The following REXO1 variants were observed in gnomAD, a reference collection of about 807,000 sequenced individuals.
The protein encoded by REXO1 is RNA exonuclease 1 homolog.
A neutral mutation model predicts 102.6 loss-of-function variants in REXO1; 42 were observed. The ratio of observed to expected loss-of-function variants is 0.41; its 90% CI spans 0.32 to 0.53. REXO1 has a LOEUF of 0.53. Among genes scored for constraint, REXO1 ranks in the 20% least tolerant of loss-of-function variants. REXO1 has a pLI of 0.27. For missense variants in REXO1, 1,819 were observed against 1,732.5 expected, an observed-to-expected ratio of 1.05 and a Z score of -0.89; for synonymous variants, 908 against 779.1, an observed-to-expected ratio of 1.17 and a Z score of -2.76.
At position 1,848,249 on chromosome 19, in the gene REXO1, C is replaced by T. The variant is rs539515135; in HGVS notation, c.110G>A (p.Arg37Gln). 2.9e-5 allele frequency: 36 copies of T among 1,228,648 alleles called. No homozygotes were observed. Among genetic ancestry groups the T allele is most frequent in the Non-Finnish European group, 3.6e-5 (35 of 981,330 alleles). The allele number at this position is 1,228,648 out of a possible 1,614,324, so 76.1% of individuals were successfully genotyped here. ...PYCHFRHRGARGSGAPGDGGE... is the reference protein window; with the variant it reads ...PYCHFRHRGAQGSGAPGDGGE... ...GCCGTCACCGGGCGCGCCGGAGCCCCGGGCCCCGCGGTGCCGGAAGTGGCA... is the reference window on the plus strand; with the variant it reads ...GCCGTCACCGGGCGCGCCGGAGCCCTGGGCCCCGCGGTGCCGGAAGTGGCA... Residue 37 changes from arginine to glutamine, a missense_variant, in exon 1 of 16, where the codon CGG (arginine) becomes CAG (glutamine). Physicochemically the swap from Arg to Gln is conservative, Grantham distance 43. Transcript: ENST00000170168.
chr19:1,824,171 A>T (rs1043788813), intron 3 of REXO1: 3 of 186,222 alleles, frequency 1.6e-5, no homozygotes, highest in African/African-American at 7.0e-5. Flanking sequence ...CTGACCCCGG[A>T]GCCAGGCTCT....
Position 1,821,512 on chromosome 19 carries a change from G to A in REXO1, c.2394+7C>T, listed in dbSNP as rs370710210. ...GTGGTGGTCCTGGCCGAGATGGGAG[G>A]GGCTACCTGTAAGGATGGACTGTGG... is the stretch of plus-strand genomic sequence containing the variant. On this transcript the variant is annotated splice_region_variant and intron_variant, in intron 5 of 15. Transcript: ENST00000170168. 3.4e-5 allele frequency: 55 copies of A among 1,613,464 alleles called. No homozygotes were observed. In the African/African-American group the frequency reaches 7.1e-4, roughly 21 times the overall value.
chr19:1,819,962 C>G lies in REXO1; in HGVS notation c.2622G>C (p.Leu874=). 6.3e-7 allele frequency: 1 copy of G among 1,589,776 alleles called. No homozygotes were observed. The highest frequency in any genetic ancestry group is 8.5e-7 in the Non-Finnish European group (1 of 1,171,410). Residue 874 remains leucine (L), a synonymous_variant, in exon 7 of 16, where the codon CTG becomes CTC. Transcript: ENST00000170168. ...TGAGGCCGGGCACAGCGCTGGGGGCCAGGCCCCTGAGCTTCTTGAGGGTGT... is the reference window on the plus strand; with the variant it reads ...TGAGGCCGGGCACAGCGCTGGGGGCGAGGCCCCTGAGCTTCTTGAGGGTGT... ...AVNTLKKLRG[L]APSAVPGLSK...
chr19:1,831,706 G>A (rs960803965), intron 1 of REXO1, among the ~76,000 whole-genome samples: 3 of 151,558 alleles, frequency 2.0e-5, no homozygotes, highest in Non-Finnish European at 2.9e-5. Context: ...TTACCCAGCC[G>A]TGGTGACCCA....
chr19:1,835,639 G>A (rs1361408879), intron 1 of REXO1, among the ~76,000 whole-genome samples: 1 of 152,222 alleles, frequency 6.6e-6, no homozygotes, highest in East Asian at 1.9e-4. Flanking sequence ...CCCACGGCTG[G>A]GAATTACTTT....
chr19:1,827,635 G>C lies in REXO1; in HGVS notation c.1154C>G (p.Pro385Arg), dbSNP rs1418786339. The change falls in exon 2 of 16, where the codon CCT becomes CGT. Residue 385 changes from proline to arginine, a missense_variant. Coordinates refer to ENST00000170168, the MANE Select transcript of REXO1 (RefSeq NM_020695.4). ...GGCCCCGTCTTTGCAGCTGGGGGCA[G>C]GTGGGGCCCCGGTTTTTTTCTTCTT... is the stretch of plus-strand genomic sequence containing the variant. ...KPKKKKTGAPPAPSCKDGAQG... is the reference protein window; with the variant it reads ...KPKKKKTGAPRAPSCKDGAQG... 6.4e-7 allele frequency: 1 copy of C among 1,572,514 alleles called. No homozygotes were observed. Among genetic ancestry groups the C allele is most frequent in the Non-Finnish European group, 8.5e-7 (1 of 1,172,178 alleles).
intron 1 of REXO1, among the ~76,000 whole-genome samples, chr19:1,836,778 G>C (rs1185533346): frequency 6.7e-6 from 1 of 150,160 alleles, no homozygotes; most frequent in Non-Finnish European, 1.5e-5. Context: ...GAACCCGGCA[G>C]GCCCAGCCCC....
At chr19:1,834,946 T>C (rs549148468) in intron 1 of REXO1, 2 of 436,442 alleles carry the variant, frequency 4.6e-6, no homozygotes, top group Non-Finnish European at 9.3e-6. Context: ...CCCTGCAGCC[T>C]GTGACCCACT....
In REXO1 at chr19:1,831,690, A is replaced by G. The variant is rs549546960; in HGVS notation, c.158-3059T>C. The stretch of plus-strand genomic sequence containing the variant: ...AAACCCCATCTCTACTAAAAATACA[A>G]AAAAATTACCCAGCCGTGGTGACCC... On this transcript the variant is annotated intron_variant, in intron 1 of 15. Transcript: ENST00000170168. Among the ~76,000 whole-genome samples the G allele has an allele frequency of 1.9e-3, 282 of 151,588 alleles. 4 individuals are homozygous for G. The highest frequency in any genetic ancestry group is 6.2e-3 in the African/African-American group (254 of 41,282).
rs2069723445 is a variant in REXO1 at position 1,826,432 on chromosome 19, G to A, written c.1911+446C>T. 6.6e-6 allele frequency among the ~76,000 whole-genome samples: 1 copy of A among 150,582 alleles called. No homozygotes were observed. The highest frequency in any genetic ancestry group is 1.5e-5 in the Non-Finnish European group (1 of 67,640). ...AGGAGCCGGAGGGGATGAGGAGGAG[G>A]CAAGGAGAGGAGACAGAGGAGCTGG... On this transcript the variant is annotated intron_variant, in intron 2 of 15. Coordinates refer to ENST00000170168, the MANE Select transcript of REXO1 (RefSeq NM_020695.4). The surrounding 1 kb of genome is among the most constrained non-coding windows in gnomAD (Gnocchi z 4.3).
At chr19:1,841,183 T>A (rs1473598883) in intron 1 of REXO1, among the ~76,000 whole-genome samples, 1 of 126,970 alleles carries the variant, frequency 7.9e-6, no homozygotes, top group Non-Finnish European at 1.7e-5. Context: ...ACCCCCAGGA[T>A]TGCCCTGACA....
At position 1,848,478 on chromosome 19, in the gene REXO1, G is replaced by T; in HGVS notation, c.-120C>A. On this transcript the variant is annotated 5_prime_UTR_variant, in exon 1 of 16. Coordinates refer to ENST00000170168, the MANE Select transcript of REXO1 (RefSeq NM_020695.4). ...CCCGCCGCCGCCATCTTGCTCCGAG[G>T]CCCCCGGAGGCCCTCGGGACGCCGC... 1.4e-6 allele frequency: 1 copy of T among 707,098 alleles called. No individual in the cohort carries two copies. Among genetic ancestry groups the T allele is most frequent in the Non-Finnish European group, 1.8e-6 (1 of 562,572 alleles). 43.8% of individuals were successfully genotyped at this position (707,098 alleles called of 1,614,324 possible). A position where few individuals can be genotyped will look rare whatever the true frequency, so the allele number is the denominator to read the frequency against.
chr19:1,816,245 C>A lies in REXO1; in HGVS notation c.3557G>T (p.Arg1186Ile). ...CTCACCATTGTCCTGGATGATCTGT[C>A]TGAGGTAGTCGGCCATGAGGTTCCG... ...SLRNLMADYL[R>I]QIIQDNVDGH... The change falls in exon 15 of 16, where the codon AGA becomes ATA. Residue 1186 changes from arginine (R) to isoleucine (I), a missense_variant. Physicochemically the swap from Arg to Ile is moderately conservative, Grantham distance 97. Coordinates refer to ENST00000170168, the MANE Select transcript of REXO1 (RefSeq NM_020695.4). 6.3e-7 allele frequency: 1 copy of A among 1,588,882 alleles called. No homozygotes were observed. Among genetic ancestry groups the A allele is most frequent in the East Asian group, 2.3e-5 (1 of 43,804 alleles).
rs1225488820 is a variant in REXO1 at position 1,826,075 on chromosome 19, G to T, written c.1912-132C>A. The T allele has an allele frequency of 1.5e-6, 1 of 656,294 alleles. No individual in the cohort carries two copies. Among genetic ancestry groups the T allele is most frequent in the East Asian group, 2.8e-5 (1 of 36,188 alleles). 40.7% of individuals were successfully genotyped at this position (656,294 alleles called of 1,614,324 possible). ...CCCAGGCACAGCAGCTGAGGGCTCAGGGCCAACAGTCCCTGGGCTTTGTGT... is the reference window on the plus strand; with the variant it reads ...CCCAGGCACAGCAGCTGAGGGCTCATGGCCAACAGTCCCTGGGCTTTGTGT... On this transcript the variant is annotated intron_variant, in intron 2 of 15. Transcript: ENST00000170168. This position sits in a 1 kb window ranked among gnomAD's most constrained non-coding sequence, Gnocchi z 4.3.
chr19:1,815,759 T>TGGCAGGAGG lies in REXO1; in HGVS notation c.*298_*306dup, dbSNP rs752456754. On this transcript the variant is annotated 3_prime_UTR_variant, in exon 16 of 16. Coordinates refer to ENST00000170168, the MANE Select transcript of REXO1 (RefSeq NM_020695.4). The surrounding 1 kb of genome is among the most constrained non-coding windows in gnomAD (Gnocchi z 4.0). Reference sequence around the variant, plus strand: ...CGGCCACCACCCGGGAGGGAGGGCCTGGCAGGAGGGGCAGGAGGGGCTGCG... The same window carrying TGGCAGGAGG: ...CGGCCACCACCCGGGAGGGAGGGCCTGGCAGGAGGGGCAGGAGGGGCAGGAGGGGCTGCG... 7,705 of 1,428,346 alleles carry TGGCAGGAGG rather than the reference T, an allele frequency of 5.4e-3. 23 individuals carry two copies. The highest frequency in any genetic ancestry group is 6.1e-3 in the Non-Finnish European group (6,667 of 1,086,654). 88.5% of individuals were successfully genotyped at this position (1,428,346 alleles called of 1,614,324 possible).
intron 1 of REXO1, among the ~76,000 whole-genome samples, chr19:1,842,677 G>A (rs1464307370): frequency 1.3e-5 from 2 of 152,232 alleles, no homozygotes; most frequent in Admixed American, 1.3e-4. Flanking sequence ...CATCTGTGAG[G>A]CAGGGTCCCA....
rs753260259 is a variant in REXO1 at position 1,827,515 on chromosome 19, C to T, written c.1274G>A (p.Arg425His). The change falls in exon 2 of 16, where the codon CGC becomes CAC. Residue 425 changes from arginine (R) to histidine (H), a missense_variant. By Grantham distance (29) the Arg-to-His change is conservative. Transcript: ENST00000170168. The stretch of plus-strand genomic sequence containing the variant: ...GGTCCCTTCCGGCCGCTCTGCCTTG[C>T]GCCGGGGGCTGCTGGCCTGCGGGCC... ...KKGPQASSPR[R>H]KAERPEGTKK... The T allele has an allele frequency of 1.8e-5, 29 of 1,582,704 alleles. No homozygotes were observed. Among genetic ancestry groups the T allele is most frequent in the African/African-American group, 6.9e-5 (5 of 72,648 alleles).
At chr19:1,830,221 G>T (rs2069865328) in intron 1 of REXO1, among the ~76,000 whole-genome samples, 2 of 152,242 alleles carry the variant, frequency 1.3e-5, no homozygotes, top group African/African-American at 4.8e-5. Flanking sequence ...AAATTCTACT[G>T]AGCACGGCCA....
intron 1 of REXO1, among the ~76,000 whole-genome samples, chr19:1,837,295 C>A (rs1000722711): frequency 6.6e-6 from 1 of 152,192 alleles, no homozygotes; most frequent in East Asian, 1.9e-4. Context: ...GCTCCTGGGG[C>A]CTCCCCTCCA....
Sources: gnomAD v4.1 joint callset for allele counts (sites outside exome capture counted in the v4.1 genomes callset) on GRCh38, gnomAD v4.1.1 for gene constraint, Gnocchi (gnomAD v3.1) non-coding constraint, MANE v1.5 for transcripts, NCBI Gene and HGNC (gene_info 2026-07-23, HGNC 2026-07-21) for gene names.